The following PRR5L variants were observed in gnomAD, a reference collection of about 807,000 sequenced individuals.
PRR5L encodes the protein proline rich 5 like.
In PRR5L, 21 loss-of-function variants were observed where a neutral mutation model predicts 36.4. The ratio of observed to expected loss-of-function variants is 0.58; its 90% CI spans 0.41 to 0.83. PRR5L has a LOEUF of 0.83. Among genes scored for constraint, PRR5L ranks in the 40% least tolerant of loss-of-function variants. The probability of loss-of-function intolerance (pLI) is 0.00; values close to 1 mark genes in which losing one functional copy is unlikely to be tolerated. For missense variants in PRR5L, 381 were observed against 473.3 expected (o/e 0.80, Z 1.81); for synonymous variants, 188 against 197.0 (o/e 0.95, Z 0.38).
chr11:36,358,046 TAGA>T (rs1349994312), intron 1 of PRR5L, among the ~76,000 whole-genome samples: 1 of 152,176 alleles, frequency 6.6e-6, no homozygotes, highest in African/African-American at 2.4e-5. Context: ...AACAGGTGTT[TAGA>T]AGAAGTTGAT....
intron 4 of PRR5L, chr11:36,425,535 CAT>C (rs1345455142): frequency 2.0e-5 from 3 of 152,226 alleles, no homozygotes; most frequent in African/African-American, 7.2e-5. Flanking sequence ...TCCTTATAAA[CAT>C]AACCTTTTTA....
At chr11:36,447,046 T>C (rs1350267920) in intron 7 of PRR5L, among the ~76,000 whole-genome samples, 2 of 152,216 alleles carry the variant, frequency 1.3e-5, no homozygotes, top group African/African-American at 2.4e-5. Flanking sequence ...GTGCTTCCAG[T>C]AAGAGACTGC....
chr11:36,373,494 G>C (rs1372382274), intron 1 of PRR5L, among the ~76,000 whole-genome samples: 3 of 151,848 alleles, frequency 2.0e-5, no homozygotes, highest in Non-Finnish European at 4.4e-5. Context: ...CAGTGCTTTG[G>C]GAGGCTGAGG....
intron 1 of PRR5L, among the ~76,000 whole-genome samples, chr11:36,386,950 G>A (rs909152044): frequency 1.3e-5 from 2 of 152,138 alleles, no homozygotes; most frequent in African/African-American, 4.8e-5. Context: ...TGACCAAATG[G>A]CCCCACCACT....
chr11:36,424,897 A>G (rs537637522), intron 4 of PRR5L, among the ~76,000 whole-genome samples: 2 of 151,970 alleles, frequency 1.3e-5, no homozygotes, highest in Non-Finnish European at 1.5e-5. Context: ...TCTTGGCTCA[A>G]TGCAACCTCC....
intron 4 of PRR5L, among the ~76,000 whole-genome samples, chr11:36,420,353 A>G (rs1042718711): frequency 2.6e-5 from 4 of 152,240 alleles, no homozygotes; most frequent in Non-Finnish European, 5.9e-5. Context: ...GGTAGTGGTC[A>G]AGATCACAGC....
chr11:36,315,830 C>T (rs141397842), intron 1 of PRR5L, among the ~76,000 whole-genome samples: 2,554 of 152,294 alleles, frequency 0.017, 42 homozygotes, highest in Non-Finnish European at 0.023. Context: ...TAGACATAAA[C>T]GCAGTTCACA....
Position 36,450,112 on chromosome 11 carries a change from C to T in PRR5L, c.586-1097C>T, listed in dbSNP as rs184880171. On this transcript the variant is annotated intron_variant, in intron 7 of 8. Transcript: ENST00000530639. ...TCAGTGTAATGGTACCATAAAGGGGCCAAGGAAGAGCCTGTTTCCTTGGCA... is the reference window on the plus strand; with the variant it reads ...TCAGTGTAATGGTACCATAAAGGGGTCAAGGAAGAGCCTGTTTCCTTGGCA... Among the ~76,000 whole-genome samples the T allele has an allele frequency of 2.0e-3, 307 of 152,256 alleles. 1 individual carries two copies. The highest frequency in any genetic ancestry group is 7.1e-3 in the African/African-American group (294 of 41,556).
In PRR5L at chr11:36,401,307, G is replaced by T. The variant is rs556661996; in HGVS notation, c.164+22G>T. On this transcript the variant is annotated intron_variant, in intron 2 of 8. Coordinates refer to ENST00000530639, the MANE Select transcript of PRR5L (RefSeq NM_001160167.2). ...ACAGGTGAAGGAGGCTGCAGGATGTGGGGTGGAGGGCTGCCAAGGGCCATG... is the reference window on the plus strand; with the variant it reads ...ACAGGTGAAGGAGGCTGCAGGATGTTGGGTGGAGGGCTGCCAAGGGCCATG... 77 of 1,605,284 alleles carry T rather than the reference G, an allele frequency of 4.8e-5. 1 individual carries two copies. In the South Asian group the frequency reaches 7.6e-4, roughly 16 times the overall value.
At chr11:36,437,721 T>C (rs1858634514) in intron 6 of PRR5L, among the ~76,000 whole-genome samples, 1 of 152,214 alleles carries the variant, frequency 6.6e-6, no homozygotes, top group Admixed American at 6.5e-5. Flanking sequence ...GTTTTGAGTA[T>C]GTCTTTATAT....
chr11:36,331,036 C>T (rs1180063509), intron 1 of PRR5L, among the ~76,000 whole-genome samples: 1 of 152,128 alleles, frequency 6.6e-6, no homozygotes, highest in East Asian at 1.9e-4. Flanking sequence ...GAACTCCCGA[C>T]CTCAATTGAT....
At chr11:36,390,107 A>C (rs1326944448) in intron 1 of PRR5L, among the ~76,000 whole-genome samples, 1 of 152,162 alleles carries the variant, frequency 6.6e-6, no homozygotes, top group Non-Finnish European at 1.5e-5. Context: ...TTCTGTAGTC[A>C]TTTATTAAGG....
intron 1 of PRR5L, chr11:36,376,191 A>G (rs1207614470): frequency 3.1e-6 from 4 of 1,301,346 alleles, no homozygotes; most frequent in Non-Finnish European, 4.1e-6. Context: ...CGCTCTCCCC[A>G]GCAGGGTGAG....
At chr11:36,372,961 TGC>T (rs1857211868) in intron 1 of PRR5L, among the ~76,000 whole-genome samples, 4 of 144,968 alleles carry the variant, frequency 2.8e-5, no homozygotes, top group African/African-American at 5.1e-5. Context: ...CTTCAGCTTT[TGC>T]GCTGCCTAAT....
intron 1 of PRR5L, among the ~76,000 whole-genome samples, chr11:36,320,323 A>G (rs1420209389): frequency 1.4e-5 from 2 of 145,356 alleles, no homozygotes; most frequent in African/African-American, 5.2e-5. Flanking sequence ...GGCTCAGTGC[A>G]ATCTCTGCCT....
At chr11:36,332,779 G>A (rs999063515) in intron 1 of PRR5L, among the ~76,000 whole-genome samples, 8 of 152,078 alleles carry the variant, frequency 5.3e-5, no homozygotes, top group Admixed American at 1.3e-4. Context: ...TCCCTCTCTC[G>A]CCATGTGATA....
chr11:36,442,209 G>GCAAATTTTC (rs1307412383), intron 6 of PRR5L, among the ~76,000 whole-genome samples: 1 of 152,154 alleles, frequency 6.6e-6, no homozygotes, highest in African/African-American at 2.4e-5. Flanking sequence ...TGGCCAGGCT[G>GCAAATTTTC]CAAATTTTCC....
intron 1 of PRR5L, chr11:36,323,253 T>C (rs1022734120): frequency 2.0e-5 from 3 of 152,124 alleles, no homozygotes; most frequent in African/African-American, 7.2e-5. Context: ...TGGTGAGAGG[T>C]AGACTAGTAG....
At chr11:36,303,983 C>T (rs1362875340) in intron 1 of PRR5L, among the ~76,000 whole-genome samples, 1 of 152,110 alleles carries the variant, frequency 6.6e-6, no homozygotes, top group Non-Finnish European at 1.5e-5. Flanking sequence ...TAATCAACCC[C>T]AATTCAACCC....
Sources: gnomAD v4.1 joint callset for allele counts (sites outside exome capture counted in the v4.1 genomes callset) on GRCh38, gnomAD v4.1.1 for gene constraint, MANE v1.5 for transcripts, NCBI Gene and HGNC (gene_info 2026-07-23, HGNC 2026-07-21) for gene names.